ST7L: variants seen among roughly 807,000 people sequenced by gnomAD.
ST7L encodes the protein suppressor of tumorigenicity 7 protein-like.
Under a neutral mutation model 72.5 loss-of-function variants are expected in ST7L, and 57 were observed. The observed-to-expected ratio is 0.79, with a 90% CI of 0.64 to 0.98. ST7L has a LOEUF of 0.98. Ranked by LOEUF, ST7L falls within the 50% of genes least tolerant of loss-of-function variation. The pLI, the probability that ST7L is intolerant of heterozygous loss-of-function variation, is 0.00. For synonymous variants in ST7L, 221 were observed against 240.9 expected (o/e 0.92, Z 0.77); for missense variants, 576 against 672.2 (o/e 0.86, Z 1.58).
At chr1:112,573,204 T>C (rs537127551) in intron 11 of ST7L, among the ~76,000 whole-genome samples, 75 of 151,738 alleles carry the variant, frequency 4.9e-4, no homozygotes, top group African/African-American at 1.8e-3. Flanking sequence ...CAAAATTAGC[T>C]GGGTATGGTG....
chr1:112,553,394 A>G (rs1658568041), intron 12 of ST7L, among the ~76,000 whole-genome samples: 1 of 152,120 alleles, frequency 6.6e-6, no homozygotes. Flanking sequence ...AATTTTATTT[A>G]CATTGTCATT....
chr1:112,568,889 A>ATATATAT lies in ST7L; in HGVS notation c.1245+8096_1245+8097insATATATA, dbSNP rs1553247624. 2.6e-3 allele frequency among the ~76,000 whole-genome samples: 301 copies of ATATATAT among 115,530 alleles called. 2 individuals are homozygous for ATATATAT. The highest frequency in any genetic ancestry group is 3.5e-3 in the African/African-American group (104 of 30,056). 75.8% of individuals were successfully genotyped at this position (115,530 alleles called of 152,430 possible). A position where few individuals can be genotyped will look rare whatever the true frequency, so the allele number is the denominator to read the frequency against. ...ATATATATATATATATATATATATA[A>ATATATAT]AACAAAAATTTAAAAATATGCAACT... On this transcript the variant is annotated intron_variant, in intron 11 of 14. Coordinates refer to ENST00000358039, the MANE Select transcript of ST7L (RefSeq NM_017744.5).
intron 11 of ST7L, among the ~76,000 whole-genome samples, chr1:112,560,112 G>A (rs935508177): frequency 3.3e-5 from 5 of 151,296 alleles, no homozygotes; most frequent in South Asian, 4.2e-4. Context: ...GCAATTTTTC[G>A]GGCCAGGCGC....
chr1:112,566,973 C>A (rs902757899), intron 11 of ST7L, among the ~76,000 whole-genome samples: 2 of 152,034 alleles, frequency 1.3e-5, no homozygotes, highest in African/African-American at 4.8e-5. Flanking sequence ...GGGTATATAC[C>A]TTGGAGTAGG....
chr1:112,595,862 C>T (rs572741083), intron 5 of ST7L, among the ~76,000 whole-genome samples: 2 of 152,034 alleles, frequency 1.3e-5, no homozygotes, highest in Admixed American at 6.5e-5. Flanking sequence ...ATTATTTAAC[C>T]TTATGATGTC....
At chr1:112,618,031 G>A (rs1186103218) in intron 1 of ST7L, 12 of 1,303,800 alleles carry the variant, frequency 9.2e-6, no homozygotes, top group Non-Finnish European at 1.1e-5. Context: ...TCTCTGAACA[G>A]GAAAGGGGAC....
intron 14 of ST7L, chr1:112,528,961 T>C (rs1200544986): frequency 6.6e-6 from 1 of 152,214 alleles, no homozygotes; most frequent in Non-Finnish European, 1.5e-5. Flanking sequence ...GATCTCTAGT[T>C]AGGTGTCTAT....
chr1:112,588,750 A>G (rs1558025958), intron 6 of ST7L, among the ~76,000 whole-genome samples: 1 of 152,196 alleles, frequency 6.6e-6, no homozygotes, highest in Non-Finnish European at 1.5e-5. Context: ...CCACTTGGTC[A>G]GGGTGTATAA....
At chr1:112,568,878 A>AT (rs1557993845) in intron 11 of ST7L, among the ~76,000 whole-genome samples, 10 of 140,914 alleles carry the variant, frequency 7.1e-5, no homozygotes, top group African/African-American at 2.4e-4. Flanking sequence ...ATATATATAT[A>AT]TATATATATA....
chr1:112,536,368 T>C (rs1215342072), intron 14 of ST7L, among the ~76,000 whole-genome samples: 4 of 152,164 alleles, frequency 2.6e-5, no homozygotes, highest in African/African-American at 9.7e-5. Flanking sequence ...CATATATTTT[T>C]CAATTGGTAT....
At chr1:112,568,398 A>G (rs776776873) in intron 11 of ST7L, among the ~76,000 whole-genome samples, 32 of 138,820 alleles carry the variant, frequency 2.3e-4, no homozygotes, top group Non-Finnish European at 3.0e-4. Flanking sequence ...GTGCAGTGGC[A>G]TGATCTCGGC....
intron 11 of ST7L, among the ~76,000 whole-genome samples, chr1:112,565,108 G>A (rs1393345585): frequency 6.7e-5 from 10 of 150,204 alleles, no homozygotes; most frequent in Non-Finnish European, 4.4e-5. Context: ...GCAATGGCGC[G>A]ATCTCGGCTC....
chr1:112,616,735 T>A (rs1669942443), intron 2 of ST7L, 78 bp downstream of exon 2: 2 of 1,056,206 alleles, frequency 1.9e-6, no homozygotes, highest in Non-Finnish European at 2.8e-6. Context: ...AGAGCAAGAC[T>A]CTGTCTCAAA....
intron 1 of ST7L, chr1:112,618,067 A>G: frequency 7.7e-7 from 1 of 1,304,126 alleles, no homozygotes; most frequent in Non-Finnish European, 1.0e-6. Context: ...CTTCAGAAAA[A>G]TCAACCACCA....
intron 4 of ST7L, among the ~76,000 whole-genome samples, chr1:112,600,521 A>G (rs1319230219): frequency 6.6e-6 from 1 of 152,094 alleles, no homozygotes; most frequent in African/African-American, 2.4e-5. Flanking sequence ...CCTTGAGCCC[A>G]GGAGCTCAAG....
At chr1:112,535,926 A>T (rs1655136624) in intron 14 of ST7L, among the ~76,000 whole-genome samples, 1 of 152,154 alleles carries the variant, frequency 6.6e-6, no homozygotes, top group African/African-American at 2.4e-5. Context: ...TCTTGATCCA[A>T]AATCCCAGTT....
intron 13 of ST7L, 98 bp from the exon 14 acceptor site, chr1:112,542,188 G>A (rs1656212757): frequency 4.8e-6 from 6 of 1,256,880 alleles, no homozygotes; most frequent in South Asian, 1.9e-5. Flanking sequence ...AAATTAAAAA[G>A]AAAAAAAATT....
chr1:112,597,600 C>CA (rs1666670255), intron 5 of ST7L, among the ~76,000 whole-genome samples: 1 of 152,122 alleles, frequency 6.6e-6, no homozygotes, highest in Admixed American at 6.5e-5. Context: ...AAATAGACTC[C>CA]AGTTTTCTGT....
intron 6 of ST7L, among the ~76,000 whole-genome samples, chr1:112,588,806 C>T (rs1665248166): frequency 6.6e-6 from 1 of 152,108 alleles, no homozygotes; most frequent in African/African-American, 2.4e-5. Context: ...TTGTTTTCAG[C>T]TATTATTTCT....
Sources: allele counts gnomAD v4.1 joint callset (sites outside exome capture counted in the v4.1 genomes callset), GRCh38; gene constraint gnomAD v4.1.1; transcripts MANE v1.5; gene names NCBI Gene and HGNC (gene_info 2026-07-23, HGNC 2026-07-21).